The following RCSD1 variants were observed in gnomAD, a reference collection of about 807,000 sequenced individuals.
RCSD1 encodes the protein capZ-interacting protein.
A neutral mutation model predicts 42.5 loss-of-function variants in RCSD1; 26 were observed. The observed-to-expected ratio is 0.61, with a 90% confidence interval of 0.45 to 0.85. The LOEUF (loss-of-function observed/expected upper bound fraction) is 0.85. RCSD1 is among the 40% of genes least tolerant of loss of function. The pLI is 0.00. For missense variants in RCSD1, 571 were observed against 528.3 expected (o/e 1.08, Z -0.79); for synonymous variants, 220 against 212.2 (o/e 1.04, Z -0.32).
chr1:167,661,241 C>T (rs1027717438), intron 1 of RCSD1, among the ~76,000 whole-genome samples: 6 of 152,210 alleles, frequency 3.9e-5, no homozygotes, highest in African/African-American at 9.6e-5. Flanking sequence ...AAAATGAAGT[C>T]GAGAAAAGAT....
Position 167,652,438 on chromosome 1 carries a change from A to T in RCSD1, c.6+22009A>T, listed in dbSNP as rs193188208. Among the ~76,000 whole-genome samples, 45 of 152,320 alleles carry T rather than the reference A, an allele frequency of 3.0e-4. 1 individual carries two copies. The South Asian group carries it at 4.8e-3, about 16-fold the overall frequency. On this transcript the variant is annotated intron_variant, in intron 1 of 6. Coordinates refer to ENST00000367854, the MANE Select transcript of RCSD1 (RefSeq NM_052862.4). ...AAAGATGAAACCTCACCGGGCCCAG[A>T]TACTTGAGTGTATTTTCAGCCAGAG...
chr1:167,661,275 C>A (rs1658536155), intron 1 of RCSD1, among the ~76,000 whole-genome samples: 1 of 152,208 alleles, frequency 6.6e-6, no homozygotes, highest in South Asian at 2.1e-4. Flanking sequence ...AGGGTCCCTG[C>A]CGTGAAGTGC....
At chr1:167,647,415 C>T (rs1250996177) in intron 1 of RCSD1, among the ~76,000 whole-genome samples, 2 of 146,292 alleles carry the variant, frequency 1.4e-5, no homozygotes, top group Non-Finnish European at 3.0e-5. Flanking sequence ...ATAGTGAGAC[C>T]CCATCGCTAC....
Position 167,706,476 on chromosome 1 carries a change from A to ACTTTT in RCSD1, c.*1784_*1785insTCTTT, listed in dbSNP as rs3075157. Among the ~76,000 whole-genome samples the ACTTTT allele has an allele frequency of 0.085, 12,866 of 152,144 alleles. 1,818 individuals carry two copies. Among genetic ancestry groups the ACTTTT allele is most frequent in the African/African-American group, 0.29 (12,125 of 41,410 alleles). The stretch of plus-strand genomic sequence containing the variant: ...TTGTGAATGTGTGATGAAAAGGGCC[A>ACTTTT]CTTTACTTGAGGAAGGCATGGAACA... On this transcript the variant is annotated 3_prime_UTR_variant, in exon 7 of 7. Coordinates refer to ENST00000367854, the MANE Select transcript of RCSD1 (RefSeq NM_052862.4).
At chr1:167,692,598 C>A (rs1467934771) in intron 4 of RCSD1, among the ~76,000 whole-genome samples, 1 of 152,032 alleles carries the variant, frequency 6.6e-6, no homozygotes, top group Non-Finnish European at 1.5e-5. Context: ...TGGGCTCAAG[C>A]AATCCTCCCA....
chr1:167,690,503 A>G (rs1659349181), intron 4 of RCSD1, among the ~76,000 whole-genome samples: 1 of 152,068 alleles, frequency 6.6e-6, no homozygotes, highest in African/African-American at 2.4e-5. Context: ...GTGAGACACT[A>G]TCTCTACAAA....
At chr1:167,644,488 A>AATACATAC (rs67816313) in intron 1 of RCSD1, among the ~76,000 whole-genome samples, 13 of 76,770 alleles carry the variant, frequency 1.7e-4, no homozygotes, top group African/African-American at 5.0e-4. Flanking sequence ...TCAAAAAATA[A>AATACATAC]ATACATACAT....
chr1:167,643,774 C>T (rs889338016), intron 1 of RCSD1, among the ~76,000 whole-genome samples: 2 of 152,150 alleles, frequency 1.3e-5, no homozygotes, highest in African/African-American at 4.8e-5. Flanking sequence ...GTAAATGAGT[C>T]GGTGGTTGTG....
intron 1 of RCSD1, among the ~76,000 whole-genome samples, chr1:167,649,309 T>A (rs1658245079): frequency 6.6e-6 from 1 of 152,048 alleles, no homozygotes; most frequent in South Asian, 2.1e-4. Flanking sequence ...CTTCAGGGCT[T>A]GATCCGGGAG....
intron 1 of RCSD1, chr1:167,638,547 T>G (rs1657915638): frequency 6.6e-6 from 1 of 152,302 alleles, no homozygotes; most frequent in Non-Finnish European, 1.5e-5. Flanking sequence ...ACAGCACCTG[T>G]GTGGGCTCTC....
chr1:167,635,635 A>G (rs1657825554), intron 1 of RCSD1, among the ~76,000 whole-genome samples: 1 of 152,242 alleles, frequency 6.6e-6, no homozygotes, highest in Non-Finnish European at 1.5e-5. Context: ...TTTTGGTTCC[A>G]GAGAAATCTG....
chr1:167,680,860 G>A (rs1288749239), intron 1 of RCSD1, among the ~76,000 whole-genome samples: 1 of 152,252 alleles, frequency 6.6e-6, no homozygotes. Flanking sequence ...GAGAGGCTAA[G>A]GGTGTCTCAG....
chr1:167,692,610 C>T (rs1235191572), intron 4 of RCSD1, among the ~76,000 whole-genome samples: 1 of 152,124 alleles, frequency 6.6e-6, no homozygotes, highest in African/African-American at 2.4e-5. Flanking sequence ...ATCCTCCCAC[C>T]TCAGCCTCCT....
intron 1 of RCSD1, among the ~76,000 whole-genome samples, chr1:167,662,796 C>A (rs376532194): frequency 1.3e-5 from 2 of 152,206 alleles, no homozygotes; most frequent in African/African-American, 4.8e-5. Flanking sequence ...GGGGCTGTAG[C>A]AAGCGCTGGG....
intron 2 of RCSD1, among the ~76,000 whole-genome samples, chr1:167,684,937 T>A (rs1262785988): frequency 2.2e-4 from 34 of 152,220 alleles, no homozygotes; most frequent in Admixed American, 2.2e-3. Flanking sequence ...GAGAAATCTA[T>A]CGTGGCCCCT....
rs375207601 is a variant in RCSD1, at chr1:167,697,674, C to G, written c.1050C>G (p.His350Gln). Residue 350 changes from histidine (H) to glutamine (Q), a missense_variant, in exon 6 of 7, where the codon CAC becomes CAG. Transcript: ENST00000367854. ...EEGAAVKETP[H>Q]SPPGGVKGGD... ...GAGCTGCAGTGAAGGAGACCCCCCA[C>G]AGTCCCCCTGGAGGAGTGAAGGGCG... The G allele has an allele frequency of 1.9e-6, 3 of 1,605,046 alleles. No homozygotes were observed. The highest frequency in any genetic ancestry group is 1.7e-5 in the Admixed American group (1 of 58,432).
chr1:167,649,144 G>T (rs1658241955), intron 1 of RCSD1, among the ~76,000 whole-genome samples: 1 of 152,220 alleles, frequency 6.6e-6, no homozygotes, highest in African/African-American at 2.4e-5. Flanking sequence ...CTTAAAGGCA[G>T]TGAAACCTGA....
At chr1:167,635,816 T>C (rs1330628259) in intron 1 of RCSD1, among the ~76,000 whole-genome samples, 1 of 152,178 alleles carries the variant, frequency 6.6e-6, no homozygotes, top group Non-Finnish European at 1.5e-5. Context: ...CCAAGAGGTA[T>C]CTTGAGGATT....
chr1:167,702,409 G>A (rs1006990665), intron 6 of RCSD1, among the ~76,000 whole-genome samples: 1 of 152,208 alleles, frequency 6.6e-6, no homozygotes, highest in Non-Finnish European at 1.5e-5. Flanking sequence ...ACTGCACTTA[G>A]GATTCTGTTT....
Sources: gnomAD v4.1 joint callset for allele counts (sites outside exome capture counted in the v4.1 genomes callset) on GRCh38, gnomAD v4.1.1 for gene constraint, MANE v1.5 for transcripts, NCBI Gene and HGNC (gene_info 2026-07-23, HGNC 2026-07-21) for gene names.